The following ZNF385D variants were observed in gnomAD, a reference collection of about 807,000 sequenced individuals.
ZNF385D encodes zinc finger protein 385D.
In ZNF385D, 15 loss-of-function variants were observed where a neutral mutation model predicts 35.8. The ratio of observed to expected loss-of-function variants is 0.42; its 90% confidence interval spans 0.28 to 0.64. The LOEUF (loss-of-function observed/expected upper bound fraction) is 0.64. Among genes scored for constraint, ZNF385D ranks in the 30% least tolerant of loss-of-function variants. The probability of loss-of-function intolerance (pLI) is 0.23; values close to 1 mark genes in which losing one functional copy is unlikely to be tolerated. For missense variants in ZNF385D, 474 were observed against 494.6 expected (o/e 0.96, Z 0.39); for synonymous variants, 212 against 186.8 (o/e 1.13, Z -1.10).
At chr3:22,101,391 A>G (rs1701936467) in intron 3 of ZNF385D, among the ~76,000 whole-genome samples, 1 of 152,066 alleles carries the variant, frequency 6.6e-6, no homozygotes, top group Non-Finnish European at 1.5e-5. Context: ...AAAGCAAAGG[A>G]TGCAAGTTCA....
intron 2 of ZNF385D, among the ~76,000 whole-genome samples, chr3:21,582,914 G>T (rs1575247042): frequency 6.6e-6 from 1 of 151,926 alleles, no homozygotes; most frequent in East Asian, 1.9e-4. Flanking sequence ...ATTAGCTGGG[G>T]TTATAGGCAC....
At chr3:22,123,922 ATCTCTCTCTCTCTCTCTCTCTC>A (rs34781505) in intron 3 of ZNF385D, among the ~76,000 whole-genome samples, 4 of 80,264 alleles carry the variant, frequency 5.0e-5, no homozygotes, top group Non-Finnish European at 9.3e-5. Flanking sequence ...GCTAGACTCC[ATCTCTCTCTCTCTCTCTCTCTC>A]TCTCTCTCTC....
chr3:21,917,576 A>T (rs1223935635), intron 3 of ZNF385D, among the ~76,000 whole-genome samples: 1 of 152,220 alleles, frequency 6.6e-6, no homozygotes, highest in African/African-American at 2.4e-5. Flanking sequence ...GTTCTTTAAG[A>T]GTTTCATGTA....
At chr3:21,773,669 C>T (rs1318693815) in intron 3 of ZNF385D, among the ~76,000 whole-genome samples, 1 of 151,680 alleles carries the variant, frequency 6.6e-6, no homozygotes, top group African/African-American at 2.4e-5. Context: ...CATATGTTAA[C>T]AAGCCCACCA....
chr3:22,067,832 C>A (rs936305529), intron 3 of ZNF385D, among the ~76,000 whole-genome samples: 2 of 151,952 alleles, frequency 1.3e-5, no homozygotes, highest in African/African-American at 2.4e-5. Flanking sequence ...GACCATCCTG[C>A]CCAACATGGT....
chr3:22,091,673 A>G (rs75177945), intron 3 of ZNF385D, among the ~76,000 whole-genome samples: 22,503 of 152,128 alleles, frequency 0.15, 1,874 homozygotes, highest in African/African-American at 0.22. Flanking sequence ...GTCAGTCCAC[A>G]GACACAGAGC....
intron 4 of ZNF385D, among the ~76,000 whole-genome samples, chr3:21,501,111 C>A (rs1356774375): frequency 2.6e-5 from 4 of 152,108 alleles, no homozygotes; most frequent in Non-Finnish European, 5.9e-5. Flanking sequence ...ATCCCACAAG[C>A]CCTGTGCCAA....
intron 3 of ZNF385D, among the ~76,000 whole-genome samples, chr3:22,152,271 T>A (rs923314358): frequency 1.7e-4 from 26 of 152,136 alleles, no homozygotes; most frequent in African/African-American, 6.3e-4. Context: ...TATCCTCTGC[T>A]CTCTTTTAAA....
chr3:22,115,430 T>A (rs1160859556), intron 3 of ZNF385D, among the ~76,000 whole-genome samples: 1 of 152,082 alleles, frequency 6.6e-6, no homozygotes, highest in Non-Finnish European at 1.5e-5. Flanking sequence ...AAAAATTACT[T>A]CAATATTTGA....
intron 3 of ZNF385D, among the ~76,000 whole-genome samples, chr3:21,936,759 T>C (rs973549754): frequency 2.0e-5 from 3 of 152,130 alleles, no homozygotes; most frequent in African/African-American, 4.8e-5. Flanking sequence ...TTTTAAAAAA[T>C]CTTACAGACT....
chr3:21,930,278 A>C (rs777521810), intron 3 of ZNF385D, among the ~76,000 whole-genome samples: 2 of 70,778 alleles, frequency 2.8e-5, no homozygotes, highest in African/African-American at 6.6e-5. Flanking sequence ...TATACTGTAC[A>C]AAAAAAAAAA....
intron 3 of ZNF385D, among the ~76,000 whole-genome samples, chr3:22,091,832 T>C (rs1372946172): frequency 6.6e-6 from 1 of 152,208 alleles, no homozygotes; most frequent in Non-Finnish European, 1.5e-5. Flanking sequence ...CTTCTTCCTG[T>C]TTTTATTTTA....
chr3:22,112,258 A>C (rs1408073045), intron 3 of ZNF385D, among the ~76,000 whole-genome samples: 2 of 152,134 alleles, frequency 1.3e-5, no homozygotes, highest in African/African-American at 4.8e-5. Context: ...CATGGATTAT[A>C]ATGAGAATAA....
intron 2 of ZNF385D, among the ~76,000 whole-genome samples, chr3:22,200,870 C>T (rs1696743865): frequency 6.6e-6 from 1 of 152,154 alleles, no homozygotes; most frequent in East Asian, 1.9e-4. Context: ...TCTGTTCCAC[C>T]TGGCTCACCA....
chr3:21,496,549 T>C (rs9758340), intron 4 of ZNF385D, among the ~76,000 whole-genome samples: 54 of 130,982 alleles, frequency 4.1e-4, no homozygotes, highest in Admixed American at 1.3e-3. Context: ...CATATATATA[T>C]ACACACATAT....
At chr3:21,621,046 C>T (rs1344823341) in intron 2 of ZNF385D, among the ~76,000 whole-genome samples, 5 of 151,948 alleles carry the variant, frequency 3.3e-5, no homozygotes, top group African/African-American at 1.2e-4. Context: ...ACCTGGTTAA[C>T]CATTAAGCAA....
chr3:22,010,947 G>C (rs2125436592), intron 3 of ZNF385D, among the ~76,000 whole-genome samples: 1 of 152,046 alleles, frequency 6.6e-6, no homozygotes, highest in Middle Eastern at 3.4e-3. Context: ...CATCTACTCA[G>C]AACCAAAGAT....
intron 3 of ZNF385D, among the ~76,000 whole-genome samples, chr3:21,836,811 T>C (rs1031066134): frequency 6.6e-6 from 1 of 152,108 alleles, no homozygotes; most frequent in African/African-American, 2.4e-5. Context: ...GCTCACAATG[T>C]ACAAAAATAT....
intron 3 of ZNF385D, among the ~76,000 whole-genome samples, chr3:21,922,284 A>AAC (rs35781922): frequency 6.6e-6 from 1 of 151,856 alleles, no homozygotes. Context: ...TAGAAAAAAA[A>AAC]TTTTATAAAA....
Sources: allele counts gnomAD v4.1 joint callset (sites outside exome capture counted in the v4.1 genomes callset), GRCh38; gene constraint gnomAD v4.1.1; transcripts MANE v1.5; gene names NCBI Gene and HGNC (gene_info 2026-07-23, HGNC 2026-07-21).